DMD: variants seen among roughly 807,000 people sequenced by gnomAD.
DMD encodes the protein dystrophin.
DMD carries 63 observed loss-of-function variants against 330.1 expected under a neutral mutation model. The observed-to-expected ratio is 0.19, with a 90% CI of 0.16 to 0.24. The LOEUF (loss-of-function observed/expected upper bound fraction) is 0.24. DMD is among the 10% of genes least tolerant of loss of function. The pLI is 1.00. For missense variants in DMD, 3,344 were observed against 2,684.1 expected, an observed-to-expected ratio of 1.25 and a Z score of -5.43; for synonymous variants, 1,223 against 959.8, an observed-to-expected ratio of 1.27 and a Z score of -5.07.
intron 61 of DMD, among the ~76,000 whole-genome samples, chrX:31,338,340 G>A (rs1183263964): frequency 1.2e-4 from 13 of 104,497 alleles, no homozygotes; most frequent in African/African-American, 4.6e-4. Flanking sequence ...AAATCCAGGC[G>A]CGGTAGTCCC....
intron 2 of DMD, among the ~76,000 whole-genome samples, chrX:32,887,550 C>T (rs1163681241): frequency 1.9e-5 from 2 of 105,806 alleles, no homozygotes; most frequent in East Asian, 6.0e-4. Flanking sequence ...GGGTTTGAGA[C>T]CAGCCTGGCA....
At chrX:31,383,362 C>T (rs944297551) in intron 60 of DMD, among the ~76,000 whole-genome samples, 3 of 112,181 alleles carry the variant, frequency 2.7e-5, no homozygotes, top group South Asian at 3.7e-4. Context: ...TTCACACGGA[C>T]GCGAGTGAAA....
intron 1 of DMD, among the ~76,000 whole-genome samples, chrX:33,030,607 A>C (rs190781601): frequency 1.3e-4 from 14 of 111,702 alleles, no homozygotes; most frequent in African/African-American, 3.9e-4. Flanking sequence ...TTGTTAAAGT[A>C]ATAACCATAG....
intron 76 of DMD, among the ~76,000 whole-genome samples, chrX:31,143,061 C>T (rs1287942667): frequency 8.9e-6 from 1 of 112,176 alleles, no homozygotes; most frequent in Admixed American, 9.4e-5. Context: ...CCTTCAAAGC[C>T]CAAGTATATA....
chrX:32,967,209 A>G (rs1602284181), intron 2 of DMD, among the ~76,000 whole-genome samples: 1 of 111,492 alleles, frequency 9.0e-6, no homozygotes, highest in South Asian at 3.8e-4. Context: ...CTAAAATTGG[A>G]TTCCCCAAGA....
intron 44 of DMD, among the ~76,000 whole-genome samples, chrX:32,125,789 T>C (rs914677224): frequency 9.0e-6 from 1 of 110,636 alleles, no homozygotes; most frequent in African/African-American, 3.3e-5. Context: ...CCTGCGAGTT[T>C]TATCCATTTG....
intron 51 of DMD, among the ~76,000 whole-genome samples, chrX:31,760,282 A>T (rs911382002): frequency 3.6e-5 from 4 of 111,851 alleles, no homozygotes; most frequent in African/African-American, 1.3e-4. Flanking sequence ...TTTCTTAACC[A>T]CTTTATTGAC....
At chrX:33,050,035 AACAG>A (rs1361929422) in intron 1 of DMD, among the ~76,000 whole-genome samples, 1 of 111,938 alleles carries the variant, frequency 8.9e-6, no homozygotes, top group African/African-American at 3.2e-5. Flanking sequence ...CTTTTCTCTT[AACAG>A]ACATTTACTT....
At chrX:32,216,854 G>A (rs192112805) in intron 44 of DMD, 62 bp downstream of exon 44, 1 of 1,052,077 alleles carries the variant, frequency 9.5e-7, no homozygotes, top group Non-Finnish European at 1.3e-6. Context: ...TCTTTAAGAA[G>A]TTAAAGAGTC....
intron 19 of DMD, among the ~76,000 whole-genome samples, chrX:32,496,095 T>C (rs755387280): frequency 1.8e-4 from 20 of 112,047 alleles, no homozygotes; most frequent in African/African-American, 6.2e-4. Flanking sequence ...AACAGACTGT[T>C]AGAATAATGT....
chrX:32,668,026 G>A (rs1010172208), intron 9 of DMD, among the ~76,000 whole-genome samples: 1 of 110,301 alleles, frequency 9.1e-6, no homozygotes, highest in African/African-American at 3.3e-5. Flanking sequence ...GCAGGTGCCT[G>A]TAATCCCAGC....
chrX:31,899,780 A>G (rs1259017183), intron 47 of DMD, among the ~76,000 whole-genome samples: 1 of 111,357 alleles, frequency 9.0e-6, no homozygotes, highest in African/African-American at 3.3e-5. Context: ...GCTCCATACC[A>G]GAGAATCTAA....
chrX:31,572,452 C>T (rs965074885), intron 55 of DMD, among the ~76,000 whole-genome samples: 31 of 111,856 alleles, frequency 2.8e-4, no homozygotes, highest in African/African-American at 9.4e-4. Context: ...CTATGAGGAT[C>T]CACATTTTTT....
At chrX:31,287,186 T>C (rs761301317) in intron 62 of DMD, among the ~76,000 whole-genome samples, 1 of 112,499 alleles carries the variant, frequency 8.9e-6, no homozygotes, top group African/African-American at 3.2e-5. Context: ...GCCTGCTATG[T>C]ATAAGTGTAA....
chrX:32,430,054 C>T (rs1192270057), intron 29 of DMD, among the ~76,000 whole-genome samples: 1 of 111,040 alleles, frequency 9.0e-6, no homozygotes, highest in Non-Finnish European at 1.9e-5. Flanking sequence ...TTTCCTCTTA[C>T]TCTGAAGAAC....
At chrX:33,179,658 C>G (rs1162390933) in intron 1 of DMD, among the ~76,000 whole-genome samples, 4 of 104,443 alleles carry the variant, frequency 3.8e-5, no homozygotes, top group Non-Finnish European at 7.8e-5. Flanking sequence ...CGCGCCACTG[C>G]ACTCTAGCCT....
At chrX:32,331,861 T>C (rs2148725737) in intron 41 of DMD, among the ~76,000 whole-genome samples, 1 of 111,946 alleles carries the variant, frequency 8.9e-6, no homozygotes, top group East Asian at 2.8e-4. Context: ...CTTACAAGAA[T>C]ATTAAACTGT....
intron 2 of DMD, among the ~76,000 whole-genome samples, chrX:32,942,513 A>G (rs2090496540): frequency 9.0e-6 from 1 of 111,079 alleles, no homozygotes; most frequent in South Asian, 3.9e-4. Flanking sequence ...ACTGCACTCC[A>G]GCCTGGGTGA....
At chrX:32,281,028 T>G (rs751237666) in intron 43 of DMD, among the ~76,000 whole-genome samples, 1 of 112,334 alleles carries the variant, frequency 8.9e-6, no homozygotes, top group Non-Finnish European at 1.9e-5. Flanking sequence ...CTTTCGTTTC[T>G]TTCATTTTCT....
Sources: gnomAD v4.1 joint callset for allele counts (sites outside exome capture counted in the v4.1 genomes callset) on GRCh38, gnomAD v4.1.1 for gene constraint, MANE v1.5 for transcripts, NCBI Gene and HGNC (gene_info 2026-07-23, HGNC 2026-07-21) for gene names.